ZFX: variants seen among roughly 807,000 people sequenced by gnomAD.
The protein encoded by ZFX is zinc finger X-chromosomal protein.
For synonymous variants in ZFX, 196 were observed against 226.8 expected (o/e 0.86, Z 1.22); for missense variants, 362 against 628.3 (o/e 0.58, Z 4.53).
intron 3 of ZFX, among the ~76,000 whole-genome samples, chrX:24,169,162 G>A (rs911956531): frequency 5.4e-5 from 6 of 111,615 alleles, no homozygotes; most frequent in African/African-American, 1.6e-4. Flanking sequence ...TGACAAAACC[G>A]AAGGGAAAAT....
At chrX:24,174,356 A>T (rs1266305994) in intron 4 of ZFX, among the ~76,000 whole-genome samples, 1 of 111,115 alleles carries the variant, frequency 9.0e-6, no homozygotes, top group African/African-American at 3.3e-5. Context: ...ATAGCAATCA[A>T]CTTTATCAGG....
Position 24,215,411 on chromosome X carries a change from C to G in ZFX, c.*4035C>G, listed in dbSNP as rs1444700733. 3 of 111,651 alleles carry G rather than the reference C, an allele frequency of 2.7e-5. No individual in the cohort carries two copies. The highest frequency in any genetic ancestry group is 1.9e-4 in the Admixed American group (2 of 10,452). 9.2% of individuals were successfully genotyped at this position (111,651 alleles called of 1,213,427 possible). ...TTGGCAGCATCTTAATCTCCTGGGA[C>G]TTTGTTAAAAATGCAAATTCTCAGC... On this transcript the variant is annotated 3_prime_UTR_variant, in exon 10 of 10. Transcript: ENST00000304543.
In ZFX at chrX:24,215,576, G is replaced by C. The variant is rs1938409731; in HGVS notation, c.*4200G>C. The C allele has an allele frequency of 8.9e-6, 1 of 111,735 alleles. No homozygotes were observed. Among genetic ancestry groups the C allele is most frequent in the African/African-American group, 3.3e-5 (1 of 30,718 alleles). 9.2% of individuals were successfully genotyped at this position (111,735 alleles called of 1,213,427 possible). ...ACTTGAGGAACCTAAAAGATGACTG[G>C]TTCAGCATTTTGTGTGGTAGATAAG... On this transcript the variant is annotated 3_prime_UTR_variant, in exon 10 of 10. Transcript: ENST00000304543.
At chrX:24,186,966 A>G (rs1839321105) in intron 5 of ZFX, among the ~76,000 whole-genome samples, 1 of 112,309 alleles carries the variant, frequency 8.9e-6, no homozygotes, top group South Asian at 3.7e-4. Flanking sequence ...GTCCGTGTAC[A>G]TCATGCCTCA....
intron 4 of ZFX, among the ~76,000 whole-genome samples, chrX:24,173,938 C>G (rs1191234793): frequency 9.1e-6 from 1 of 110,386 alleles, no homozygotes; most frequent in Non-Finnish European, 1.9e-5. Context: ...AGGCCAGACA[C>G]GATGGCTCGC....
At chrX:24,204,672 A>G (rs1389986160) in intron 5 of ZFX, among the ~76,000 whole-genome samples, 2 of 111,987 alleles carry the variant, frequency 1.8e-5, no homozygotes, top group Non-Finnish European at 3.8e-5. Flanking sequence ...GCCTCTACCA[A>G]TTTAAACCCC....
intron 4 of ZFX, among the ~76,000 whole-genome samples, chrX:24,173,893 G>A (rs914519915): frequency 9.1e-6 from 1 of 109,640 alleles, no homozygotes; most frequent in Non-Finnish European, 1.9e-5. Context: ...ACCATGCCTG[G>A]CCTATACTTG....
chrX:24,192,501 A>G (rs898812088), intron 5 of ZFX, among the ~76,000 whole-genome samples: 27 of 111,615 alleles, frequency 2.4e-4, no homozygotes, highest in African/African-American at 8.8e-4. Flanking sequence ...TTGTGTCCTC[A>G]TGGCATAGAT....
chrX:24,154,255 T>C lies in ZFX; in HGVS notation c.-29+1425T>C, dbSNP rs1263326030. 2.7e-5 allele frequency among the ~76,000 whole-genome samples: 3 copies of C among 111,903 alleles called. No individual in the cohort carries two copies. The Admixed American group carries it at 2.9e-4, about 11-fold the overall frequency. ...TTGCTACATATTTGATTCATATCTT[T>C]TTGTTGTTTAAAGAAATAAAATCTC... On this transcript the variant is annotated intron_variant, in intron 3 of 9. Coordinates refer to ENST00000304543, the MANE Select transcript of ZFX (RefSeq NM_003410.4).
intron 3 of ZFX, among the ~76,000 whole-genome samples, chrX:24,158,111 G>A (rs1008430475): frequency 2.7e-5 from 3 of 111,553 alleles, no homozygotes; most frequent in African/African-American, 9.8e-5. Flanking sequence ...GTCTAAATAA[G>A]TCTGAATTGT....
At chrX:24,173,755 A>ATTTT in intron 4 of ZFX, 4 of 365,263 alleles carry the variant, frequency 1.1e-5, no homozygotes, top group Admixed American at 5.1e-5. Context: ...TAACTTTTGT[A>ATTTT]TTTTTTTTTT....
At chrX:24,162,956 C>T (rs1933512810) in intron 3 of ZFX, among the ~76,000 whole-genome samples, 1 of 111,427 alleles carries the variant, frequency 9.0e-6, no homozygotes, top group African/African-American at 3.3e-5. Context: ...CGTGGTCTTT[C>T]GTGTCTGGCT....
intron 5 of ZFX, among the ~76,000 whole-genome samples, chrX:24,203,663 T>C (rs1410040244): frequency 8.9e-6 from 1 of 112,447 alleles, no homozygotes; most frequent in Admixed American, 9.4e-5. Context: ...AGCAGTCGGC[T>C]GCATTTCCTG....
rs1292618019 is a variant in ZFX at position 24,179,729 on chromosome X, A to T, written c.605A>T (p.Asp202Val). The change falls in exon 5 of 10, where the codon GAT (aspartate) becomes GTT (valine). Residue 202 changes from aspartate (D) to valine (V), a missense_variant. By Grantham distance (152) the Asp-to-Val change is radical (BLOSUM62 -3). Coordinates refer to ENST00000304543, the MANE Select transcript of ZFX (RefSeq NM_003410.4). Reference protein sequence around the residue: ...DANGIPVDQQDDDKGNCEDYL... With the variant: ...DANGIPVDQQVDDKGNCEDYL... Reference sequence around the variant, plus strand: ...AATGGGATCCCTGTGGACCAGCAGGATGATGACAAAGGCAACTGTGAGGAC... The same window carrying T: ...AATGGGATCCCTGTGGACCAGCAGGTTGATGACAAAGGCAACTGTGAGGAC... The T allele has an allele frequency of 1.7e-6, 2 of 1,208,881 alleles. No homozygotes were observed. The highest frequency in any genetic ancestry group is 3.5e-5 in the African/African-American group (2 of 57,287).
At chrX:24,180,706 C>T (rs1935609685) in intron 5 of ZFX, among the ~76,000 whole-genome samples, 1 of 111,647 alleles carries the variant, frequency 9.0e-6, no homozygotes, top group South Asian at 3.7e-4. Context: ...TATGGATACA[C>T]GGTACTGTTT....
intron 5 of ZFX, among the ~76,000 whole-genome samples, chrX:24,204,859 C>G (rs1937519037): frequency 8.9e-6 from 1 of 111,975 alleles, no homozygotes; most frequent in Non-Finnish European, 1.9e-5. Flanking sequence ...TTAAGTAGTA[C>G]TTACCATAAT....
At chrX:24,153,726 G>A (rs1264148598) in intron 3 of ZFX, among the ~76,000 whole-genome samples, 3 of 111,217 alleles carry the variant, frequency 2.7e-5, no homozygotes, top group African/African-American at 9.8e-5. Context: ...TGAACTGTGT[G>A]TTTATATTTT....
intron 3 of ZFX, among the ~76,000 whole-genome samples, chrX:24,156,881 C>G (rs1003684216): frequency 9.0e-6 from 1 of 111,202 alleles, no homozygotes; most frequent in Non-Finnish European, 1.9e-5. Flanking sequence ...GTCTCGATCT[C>G]CTGACCTCAT....
chrX:24,167,739 A>G (rs1490208592), intron 3 of ZFX, among the ~76,000 whole-genome samples: 1 of 112,251 alleles, frequency 8.9e-6, no homozygotes, highest in Non-Finnish European at 1.9e-5. Flanking sequence ...TCTGAGAGAA[A>G]AGTTAAAGCA....
Sources: gnomAD v4.1 joint callset for allele counts (sites outside exome capture counted in the v4.1 genomes callset) on GRCh38, gnomAD v4.1.1 for gene constraint, MANE v1.5 for transcripts, NCBI Gene and HGNC (gene_info 2026-07-23, HGNC 2026-07-21) for gene names.